Variants in CAV1 observed in about 807,000 individuals in gnomAD.
CAV1 encodes the protein caveolin 1, also known as caveolin-1.
A neutral mutation model predicts 16.5 loss-of-function variants in CAV1; 10 were observed. The observed-to-expected ratio is 0.61, with a 90% CI of 0.37 to 1.03. The LOEUF is 1.03. Ranked by LOEUF, CAV1 falls within the 50% of genes least tolerant of loss-of-function variation. The pLI is 0.01. For synonymous variants in CAV1, 76 were observed against 85.1 expected, an observed-to-expected ratio of 0.89 and a Z score of 0.59; for missense variants, 212 against 232.8, an observed-to-expected ratio of 0.91 and a Z score of 0.58.
intron 2 of CAV1, among the ~76,000 whole-genome samples, chr7:116,540,357 T>C (rs1402780708): frequency 6.6e-6 from 1 of 152,180 alleles, no homozygotes; most frequent in Non-Finnish European, 1.5e-5. Context: ...GTTTCCTTCT[T>C]TTGCCTCCTA....
intron 2 of CAV1, among the ~76,000 whole-genome samples, chr7:116,534,395 A>ATAT (rs1442237865): frequency 5.1e-4 from 4 of 7,842 alleles, no homozygotes; most frequent in African/African-American, 6.7e-4. Context: ...ATATATATAT[A>ATAT]TTTTTTTTTT....
intron 2 of CAV1, among the ~76,000 whole-genome samples, chr7:116,541,459 G>T (rs1434996727): frequency 6.6e-6 from 1 of 152,136 alleles, no homozygotes; most frequent in Non-Finnish European, 1.5e-5. Flanking sequence ...ATTTAAAAAA[G>T]TGTTAGGTAG....
chr7:116,559,157 G>A lies in CAV1; in HGVS notation c.407G>A (p.Ser136Asn), dbSNP rs775940936. The change falls in exon 3 of 3, where the codon AGC becomes AAC. Residue 136 changes from serine (S) to asparagine (N), a missense_variant. Coordinates refer to ENST00000341049, the MANE Select transcript of CAV1 (RefSeq NM_001753.5). ...TGGGCAGTTGTACCATGCATTAAGA[G>A]CTTCCTGATTGAGATTCAGTGCATC... ...HIWAVVPCIK[S>N]FLIEIQCISR... is the part of the protein sequence containing the mutation. 14 of 1,613,822 alleles carry A rather than the reference G, an allele frequency of 8.7e-6. No individual in the cohort carries two copies. In the South Asian group the frequency reaches 1.5e-4, roughly 18 times the overall value.
At position 116,555,518 on chromosome 7, in the gene CAV1, A is replaced by AGAG. The variant is rs1794256195; in HGVS notation, c.196-3428_196-3427insGAG. 1.4e-4 allele frequency among the ~76,000 whole-genome samples: 2 copies of AGAG among 14,036 alleles called. 1 individual carries two copies. Among genetic ancestry groups the AGAG allele is most frequent in the Non-Finnish European group, 2.8e-4 (2 of 7,206 alleles). 9.2% of individuals were successfully genotyped at this position (14,036 alleles called of 152,430 possible). A position where few individuals can be genotyped will look rare whatever the true frequency, so the allele number is the denominator to read the frequency against. On this transcript the variant is annotated intron_variant, in intron 2 of 2. Coordinates refer to ENST00000341049, the MANE Select transcript of CAV1 (RefSeq NM_001753.5). ...AAAGAAAGAAAGAAAGAAAGAAAGA[A>AGAG]AGAGAGAGAGAGAGAGAGAGAGAGA...
chr7:116,526,860 C>G (rs73716741), intron 2 of CAV1, 171 bp downstream of exon 2: 1 of 698,212 alleles, frequency 1.4e-6, no homozygotes, highest in Non-Finnish European at 2.5e-6. Flanking sequence ...CTCCCGCAGT[C>G]GGCAGAAACG....
At chr7:116,547,712 A>T (rs1000824728) in intron 2 of CAV1, among the ~76,000 whole-genome samples, 1 of 152,214 alleles carries the variant, frequency 6.6e-6, no homozygotes, top group South Asian at 2.1e-4. Flanking sequence ...CCATCTTCCC[A>T]ATACTGTTAC....
chr7:116,549,165 C>T (rs1238917524), intron 2 of CAV1, among the ~76,000 whole-genome samples: 1 of 152,146 alleles, frequency 6.6e-6, no homozygotes, highest in Non-Finnish European at 1.5e-5. Context: ...CAAGAGGCAC[C>T]AAAGGACAAA....
chr7:116,530,876 C>T (rs574308413), intron 2 of CAV1, among the ~76,000 whole-genome samples: 40 of 152,208 alleles, frequency 2.6e-4, no homozygotes, highest in African/African-American at 9.2e-4. Flanking sequence ...ATGAAGGTGA[C>T]GTTTTTGTAA....
chr7:116,532,069 G>T (rs753112939), intron 2 of CAV1, among the ~76,000 whole-genome samples: 2 of 152,050 alleles, frequency 1.3e-5, no homozygotes, highest in South Asian at 2.1e-4. Flanking sequence ...AAAAAACTTC[G>T]GTTTTAACTG....
At chr7:116,528,825 A>T (rs1030183105) in intron 2 of CAV1, among the ~76,000 whole-genome samples, 4 of 151,470 alleles carry the variant, frequency 2.6e-5, no homozygotes, top group African/African-American at 4.8e-5. Flanking sequence ...TTTTATTTTT[A>T]TTTATTTATT....
At position 116,559,828 on chromosome 7, in the gene CAV1, G is replaced by C. The variant is rs983996088; in HGVS notation, c.*541G>C. On this transcript the variant is annotated 3_prime_UTR_variant, in exon 3 of 3. Transcript: ENST00000341049. ...AGGATCCAGTGATCCTTACAAGTTAGAAAACATAATCTTCTGCCTTCTCAT... is the reference window on the plus strand; with the variant it reads ...AGGATCCAGTGATCCTTACAAGTTACAAAACATAATCTTCTGCCTTCTCAT... The C allele has an allele frequency of 5.0e-6, 2 of 402,030 alleles. No homozygotes were observed. The highest frequency in any genetic ancestry group is 8.8e-6 in the Non-Finnish European group (2 of 228,238). 24.9% of individuals were successfully genotyped at this position (402,030 alleles called of 1,614,324 possible).
chr7:116,555,593 A>AG (rs1562838654), intron 2 of CAV1, among the ~76,000 whole-genome samples: 11 of 119,634 alleles, frequency 9.2e-5, no homozygotes, highest in East Asian at 4.5e-4. Context: ...AGAAAGAAAG[A>AG]AAGAAAGAAA....
chr7:116,526,300 A>G (rs1481717894), intron 1 of CAV1: 36 of 1,373,070 alleles, frequency 2.6e-5, no homozygotes, highest in Non-Finnish European at 3.4e-5. Context: ...TGCAGAGTAC[A>G]GAGGGGTGTG....
chr7:116,555,328 A>G lies in CAV1; in HGVS notation c.196-3618A>G, dbSNP rs1453291185. ...GTGATGCATGGCTGTAGTCCCAGCT[A>G]TTCTGAGGGCTGAAGTTGGAGGATT... On this transcript the variant is annotated intron_variant, in intron 2 of 2. Transcript: ENST00000341049. 2.6e-5 allele frequency among the ~76,000 whole-genome samples: 4 copies of G among 151,266 alleles called. No individual in the cohort carries two copies. The East Asian group carries it at 5.8e-4, about 22-fold the overall frequency.
intron 2 of CAV1, among the ~76,000 whole-genome samples, chr7:116,542,158 G>A (rs1300337887): frequency 6.6e-6 from 1 of 152,148 alleles, no homozygotes; most frequent in East Asian, 1.9e-4. Context: ...TATCTGTATG[G>A]CAAGCCTGCC....
intron 2 of CAV1, among the ~76,000 whole-genome samples, chr7:116,543,996 T>C (rs192750018): frequency 1.3e-5 from 2 of 152,312 alleles, no homozygotes; most frequent in African/African-American, 4.8e-5. Context: ...TGCATGATTT[T>C]AATTCCATCA....
intron 1 of CAV1, chr7:116,525,378 C>T (rs527761839): frequency 3.3e-5 from 50 of 1,525,462 alleles, no homozygotes; most frequent in Admixed American, 1.4e-4. Flanking sequence ...GGGCCCAGGA[C>T]GCGTTTTCTG....
chr7:116,535,834 G>A (rs546938126), intron 2 of CAV1, among the ~76,000 whole-genome samples: 4 of 152,226 alleles, frequency 2.6e-5, no homozygotes, highest in African/African-American at 9.6e-5. Context: ...AGACACAACC[G>A]AGTTTCCCTT....
At chr7:116,533,017 G>A (rs1453464218) in intron 2 of CAV1, among the ~76,000 whole-genome samples, 4 of 152,230 alleles carry the variant, frequency 2.6e-5, no homozygotes, top group South Asian at 2.1e-4. Flanking sequence ...TATGTAGGGA[G>A]CAAAATTGTT....
Sources: allele counts gnomAD v4.1 joint callset (sites outside exome capture counted in the v4.1 genomes callset), GRCh38; gene constraint gnomAD v4.1.1; transcripts MANE v1.5; gene names NCBI Gene and HGNC (gene_info 2026-07-23, HGNC 2026-07-21).